Variants in PARD3 observed in about 807,000 individuals in gnomAD.
The protein encoded by PARD3 is partitioning defective 3 homolog.
Under a neutral mutation model 155.4 loss-of-function variants are expected in PARD3, and 75 were observed. The ratio of observed to expected loss-of-function variants is 0.48; its 90% CI spans 0.40 to 0.58. PARD3 has a LOEUF of 0.58. Among genes scored for constraint, PARD3 ranks in the 20% least tolerant of loss-of-function variants. The pLI is 0.00. For missense variants in PARD3, 1,642 were observed against 1,721.7 expected, an observed-to-expected ratio of 0.95 and a Z score of 0.82; for synonymous variants, 576 against 610.5, an observed-to-expected ratio of 0.94 and a Z score of 0.83.
intron 2 of PARD3, among the ~76,000 whole-genome samples, chr10:34,666,810 T>TAC (rs1564481683): frequency 8.1e-4 from 71 of 88,158 alleles, no homozygotes; most frequent in African/African-American, 3.2e-3. Context: ...TATATATATA[T>TAC]ATATATACAC....
intron 2 of PARD3, among the ~76,000 whole-genome samples, chr10:34,594,738 A>G (rs1260970594): frequency 6.6e-6 from 1 of 152,146 alleles, no homozygotes; most frequent in African/African-American, 2.4e-5. Context: ...GGGTGAGGTG[A>G]GAGGATCACT....
chr10:34,781,843 C>T (rs1388608163), intron 1 of PARD3, among the ~76,000 whole-genome samples: 3 of 152,166 alleles, frequency 2.0e-5, no homozygotes, highest in African/African-American at 4.8e-5. Flanking sequence ...TGTGCTCTAT[C>T]GGATAATCCA....
In PARD3 at chr10:34,494,418, G is replaced by A. The variant is rs113414098; in HGVS notation, c.403+22561C>T. On this transcript the variant is annotated intron_variant, in intron 3 of 24. Coordinates refer to ENST00000374788, the MANE Select transcript of PARD3 (RefSeq NM_001184785.2). ...ACAAAACATACCAGTATTCTTAACC[G>A]TACTGGGAAGCTGCTGAAGGTTTTT... Among the ~76,000 whole-genome samples the A allele has an allele frequency of 2.2e-3, 338 of 152,306 alleles. 7 individuals are homozygous for A. Among genetic ancestry groups the A allele is most frequent in the Admixed American group, 0.02 (312 of 15,304 alleles).
At chr10:34,722,862 G>A (rs1426209352) in intron 1 of PARD3, among the ~76,000 whole-genome samples, 1 of 152,068 alleles carries the variant, frequency 6.6e-6, no homozygotes, top group Admixed American at 6.6e-5. Context: ...ATTTACCAGT[G>A]TAACTATCTG....
At chr10:34,694,954 C>G (rs778946186) in intron 2 of PARD3, among the ~76,000 whole-genome samples, 1 of 152,080 alleles carries the variant, frequency 6.6e-6, no homozygotes, top group African/African-American at 2.4e-5. Flanking sequence ...AAGAGCAGGC[C>G]GGTGGGGAGA....
At chr10:34,165,526 C>A (rs16935156) in intron 22 of PARD3, among the ~76,000 whole-genome samples, 2 of 152,232 alleles carry the variant, frequency 1.3e-5, no homozygotes, top group East Asian at 3.9e-4. Context: ...AGAGGAAAAA[C>A]CGCTTTGTTC....
intron 2 of PARD3, among the ~76,000 whole-genome samples, chr10:34,595,524 T>C (rs751903371): frequency 1.1e-4 from 17 of 152,222 alleles, no homozygotes; most frequent in Non-Finnish European, 5.9e-5. Flanking sequence ...CATTTTCTTA[T>C]CCTAACGAGT....
chr10:34,352,143 T>A (rs1198501534), intron 14 of PARD3, among the ~76,000 whole-genome samples: 1 of 152,250 alleles, frequency 6.6e-6, no homozygotes, highest in Non-Finnish European at 1.5e-5. Flanking sequence ...GCCTGGAAGC[T>A]ATGTTAAATT....
chr10:34,794,419 G>C (rs376796558), intron 1 of PARD3, among the ~76,000 whole-genome samples: 171 of 152,272 alleles, frequency 1.1e-3, no homozygotes, highest in African/African-American at 3.8e-3. Flanking sequence ...GCACACAAAA[G>C]TTAATTTCTA....
intron 1 of PARD3, among the ~76,000 whole-genome samples, chr10:34,723,827 G>A (rs2094650279): frequency 6.6e-6 from 1 of 152,210 alleles, no homozygotes; most frequent in Non-Finnish European, 1.5e-5. Context: ...CAGGACCAGG[G>A]ATGGGGGCAC....
chr10:34,344,469 G>A (rs1471580878), intron 15 of PARD3: 1 of 581,176 alleles, frequency 1.7e-6, no homozygotes, highest in Non-Finnish European at 2.2e-6. Context: ...TTTTCGTAGA[G>A]ACAGGGTTTC....
chr10:34,153,972 G>A (rs1217497507), intron 22 of PARD3, among the ~76,000 whole-genome samples: 1 of 152,156 alleles, frequency 6.6e-6, no homozygotes, highest in Admixed American at 6.5e-5. Flanking sequence ...TTTAGAATTG[G>A]GAAGTGAGTA....
At chr10:34,141,741 G>C (rs2254394) in intron 22 of PARD3, among the ~76,000 whole-genome samples, 40,840 of 151,982 alleles carry the variant, frequency 0.27, 5,958 homozygotes, top group Non-Finnish European at 0.31. Flanking sequence ...TTTTTGAGGG[G>C]AAGTCCTCCA....
intron 1 of PARD3, among the ~76,000 whole-genome samples, chr10:34,731,430 G>C (rs997329869): frequency 6.6e-6 from 1 of 152,184 alleles, no homozygotes; most frequent in African/African-American, 2.4e-5. Context: ...GCGCTGACTA[G>C]ACAAATTTGT....
intron 2 of PARD3, among the ~76,000 whole-genome samples, chr10:34,518,769 C>T (rs2081945235): frequency 6.6e-6 from 1 of 152,152 alleles, no homozygotes. Flanking sequence ...GTAAAATCTA[C>T]TAATGGATAC....
chr10:34,580,183 G>A (rs1293643192), intron 2 of PARD3, among the ~76,000 whole-genome samples: 3 of 152,070 alleles, frequency 2.0e-5, no homozygotes, highest in Non-Finnish European at 4.4e-5. Context: ...CCAAAGTGCT[G>A]AGATTATAAA....
At chr10:34,372,079 T>C (rs1343892835) in intron 12 of PARD3, among the ~76,000 whole-genome samples, 1 of 152,170 alleles carries the variant, frequency 6.6e-6, no homozygotes, top group East Asian at 1.9e-4. Flanking sequence ...ACTTTAATTT[T>C]CCTGTGTATA....
intron 2 of PARD3, among the ~76,000 whole-genome samples, chr10:34,636,955 T>C (rs1451762533): frequency 6.6e-6 from 1 of 152,208 alleles, no homozygotes; most frequent in African/African-American, 2.4e-5. Flanking sequence ...ACAGCTCTGT[T>C]ACGGAGCAAG....
chr10:34,722,626 C>T (rs187563471), intron 1 of PARD3, among the ~76,000 whole-genome samples: 9 of 152,270 alleles, frequency 5.9e-5, no homozygotes, highest in Admixed American at 1.3e-4. Context: ...ACACTTCCTG[C>T]GCACACTTGC....
Sources: gnomAD v4.1 joint callset for allele counts (sites outside exome capture counted in the v4.1 genomes callset) on GRCh38, gnomAD v4.1.1 for gene constraint, MANE v1.5 for transcripts, NCBI Gene and HGNC (gene_info 2026-07-23, HGNC 2026-07-21) for gene names.